The following SNRK variants were observed in gnomAD, a reference collection of about 807,000 sequenced individuals.
SNRK encodes the protein SNF-related serine/threonine-protein kinase.
In SNRK, 3 loss-of-function variants were observed where a neutral mutation model predicts 48.2. The ratio of observed to expected loss-of-function variants is 0.06; its 90% CI spans 0.03 to 0.16. The LOEUF is 0.16. SNRK is among the 10% of genes least tolerant of loss of function. The pLI, the probability that SNRK is intolerant of heterozygous loss-of-function variation, is 1.00. For synonymous variants in SNRK, 376 were observed against 366.1 expected (o/e 1.03, Z -0.31); for missense variants, 627 against 976.0 (o/e 0.64, Z 4.76).
At chr3:43,330,338 G>A (rs1168454052) in intron 3 of SNRK, among the ~76,000 whole-genome samples, 1 of 152,032 alleles carries the variant, frequency 6.6e-6, no homozygotes, top group African/African-American at 2.4e-5. Context: ...GGACATAGTT[G>A]GAAAGGTGGC....
chr3:43,295,355 G>A (rs375204462), intron 1 of SNRK, among the ~76,000 whole-genome samples: 4 of 152,184 alleles, frequency 2.6e-5, no homozygotes, highest in East Asian at 1.9e-4. Flanking sequence ...AACTGGAACA[G>A]GCTTCTCACC....
Position 43,349,650 on chromosome 3 carries a change from G to A in SNRK, c.*1093G>A, listed in dbSNP as rs967687912. 3.5e-5 allele frequency: 5 copies of A among 143,624 alleles called. No individual in the cohort carries two copies. The highest frequency in any genetic ancestry group is 5.9e-5 in the Non-Finnish European group (4 of 67,868). 8.9% of individuals were successfully genotyped at this position (143,624 alleles called of 1,614,324 possible). On this transcript the variant is annotated 3_prime_UTR_variant, in exon 7 of 7. Coordinates refer to ENST00000296088, the MANE Select transcript of SNRK (RefSeq NM_017719.5). ...AACAAAAATGCACAAAGCCTGCTTC[G>A]TAACTTTTTTTTCTGGAATTGTTTT...
chr3:43,334,708 T>G (rs928569498), intron 4 of SNRK, among the ~76,000 whole-genome samples: 71 of 151,924 alleles, frequency 4.7e-4, no homozygotes, highest in Non-Finnish European at 9.3e-4. Flanking sequence ...ATTCTCCTGC[T>G]TCAGCCTCCC....
At position 43,348,653 on chromosome 3, in the gene SNRK, G is replaced by C. The variant is rs2091299182; in HGVS notation, c.*96G>C. 7.9e-7 allele frequency: 1 copy of C among 1,260,714 alleles called. No homozygotes were observed. Among genetic ancestry groups the C allele is most frequent in the African/African-American group, 1.5e-5 (1 of 65,744 alleles). 78.1% of individuals were successfully genotyped at this position (1,260,714 alleles called of 1,614,324 possible). ...ATTTGGTTTTACTATTTTAAAGTGG[G>C]CGTTAGGAGCAATTATTTATTACCT... On this transcript the variant is annotated 3_prime_UTR_variant, in exon 7 of 7. Transcript: ENST00000296088.
intron 3 of SNRK, among the ~76,000 whole-genome samples, chr3:43,314,753 A>T (rs1426290250): frequency 1.3e-5 from 2 of 152,200 alleles, no homozygotes; most frequent in African/African-American, 4.8e-5. Flanking sequence ...TTTCAGAAGG[A>T]CATAAATGAA....
chr3:43,347,298 G>T lies in SNRK; in HGVS notation c.1080-41G>T. On this transcript the variant is annotated intron_variant, in intron 6 of 6. Coordinates refer to ENST00000296088, the MANE Select transcript of SNRK (RefSeq NM_017719.5). The surrounding 1 kb of genome is among the most constrained non-coding windows in gnomAD (Gnocchi z 5.4). Reference sequence around the variant, plus strand: ...TGTACTTTACTATCATCTGCATAATGATTATATGGCTTTTTTCCCCCCAAT... The same window carrying T: ...TGTACTTTACTATCATCTGCATAATTATTATATGGCTTTTTTCCCCCCAAT... 6.6e-7 allele frequency: 1 copy of T among 1,515,254 alleles called. No homozygotes were observed. The highest frequency in any genetic ancestry group is 1.3e-5 in the South Asian group (1 of 75,338). The allele number at this position is 1,515,254 out of a possible 1,614,324, so 93.9% of individuals were successfully genotyped here. A position where few individuals can be genotyped will look rare whatever the true frequency, so the allele number is the denominator to read the frequency against.
chr3:43,337,996 C>T (rs774869287), intron 4 of SNRK, among the ~76,000 whole-genome samples: 6 of 152,162 alleles, frequency 3.9e-5, no homozygotes, highest in South Asian at 4.1e-4. Flanking sequence ...GCAGTCCCTC[C>T]GCCTCAGCCT....
At chr3:43,294,559 G>A (rs1322526456) in intron 1 of SNRK, among the ~76,000 whole-genome samples, 4 of 152,004 alleles carry the variant, frequency 2.6e-5, no homozygotes, top group Admixed American at 6.6e-5. Flanking sequence ...TTTGGATTTC[G>A]TATTTTCACC....
chr3:43,301,995 A>C (rs903349305), intron 2 of SNRK, among the ~76,000 whole-genome samples: 3 of 152,204 alleles, frequency 2.0e-5, no homozygotes, highest in Admixed American at 6.5e-5. Context: ...TAAAAGTTGA[A>C]ATTTTTAAGT....
chr3:43,346,716 C>T (rs1157717979), intron 6 of SNRK, among the ~76,000 whole-genome samples: 1 of 151,990 alleles, frequency 6.6e-6, no homozygotes, highest in Non-Finnish European at 1.5e-5. Flanking sequence ...GCACTCCAGC[C>T]TGAATAACAA....
chr3:43,316,556 A>C (rs1248992606), intron 3 of SNRK, among the ~76,000 whole-genome samples: 1 of 152,000 alleles, frequency 6.6e-6, no homozygotes, highest in African/African-American at 2.4e-5. Context: ...GTTCTTTAAA[A>C]ATTGTTTTTA....
At chr3:43,334,696 C>T (rs1482965069) in intron 4 of SNRK, among the ~76,000 whole-genome samples, 4 of 151,702 alleles carry the variant, frequency 2.6e-5, no homozygotes, top group Non-Finnish European at 5.9e-5. Flanking sequence ...TGGGTTCAAG[C>T]GATTCTCCTG....
chr3:43,340,060 A>T (rs2091223860), intron 4 of SNRK, among the ~76,000 whole-genome samples: 1 of 151,376 alleles, frequency 6.6e-6, no homozygotes, highest in Non-Finnish European at 1.5e-5. Context: ...GATGATAGGG[A>T]GCTCTTATTT....
chr3:43,340,256 G>A (rs1400527435), intron 4 of SNRK, 31 bp from the exon 5 acceptor site: 1 of 1,550,996 alleles, frequency 6.4e-7, no homozygotes, highest in Non-Finnish European at 8.9e-7. Flanking sequence ...CAAGCAGTTT[G>A]CTTTAACAAT....
intron 3 of SNRK, among the ~76,000 whole-genome samples, chr3:43,317,360 G>A (rs888828915): frequency 5.9e-5 from 9 of 152,254 alleles, no homozygotes; most frequent in Non-Finnish European, 8.8e-5. Flanking sequence ...AGAGTATGTC[G>A]GGAATTGCAG....
chr3:43,303,026 A>C lies in SNRK; in HGVS notation c.-106-72A>C. 1 of 473,492 alleles carries C rather than the reference A, an allele frequency of 2.1e-6. No homozygotes were observed. The highest frequency in any genetic ancestry group is 3.7e-6 in the Non-Finnish European group (1 of 273,228). 29.3% of individuals were successfully genotyped at this position (473,492 alleles called of 1,614,324 possible). On this transcript the variant is annotated intron_variant, in intron 2 of 6. Transcript: ENST00000296088. The surrounding 1 kb of genome is among the most constrained non-coding windows in gnomAD (Gnocchi z 6.2). ...TTTCTCTTAAAATGAAAAAAACAAA[A>C]AATGAAGTGATTTTAAAGTTTGTGA... is the stretch of plus-strand genomic sequence containing the variant.
intron 1 of SNRK, among the ~76,000 whole-genome samples, chr3:43,299,247 G>A (rs764879692): frequency 6.6e-6 from 1 of 152,114 alleles, no homozygotes; most frequent in Non-Finnish European, 1.5e-5. Flanking sequence ...GCGCCATCTC[G>A]GCTCATTGCA....
At chr3:43,312,191 A>G (rs946904757) in intron 3 of SNRK, among the ~76,000 whole-genome samples, 1 of 152,178 alleles carries the variant, frequency 6.6e-6, no homozygotes, top group African/African-American at 2.4e-5. Flanking sequence ...CTTACTACCA[A>G]TTATGCAATA....
At chr3:43,295,864 G>A (rs1473912330) in intron 1 of SNRK, among the ~76,000 whole-genome samples, 4 of 152,070 alleles carry the variant, frequency 2.6e-5, no homozygotes, top group African/African-American at 4.8e-5. Context: ...TCAGCCTTCC[G>A]AGTAGCTGGG....
Sources: gnomAD v4.1 joint callset for allele counts (sites outside exome capture counted in the v4.1 genomes callset) on GRCh38, gnomAD v4.1.1 for gene constraint, Gnocchi (gnomAD v3.1) non-coding constraint, MANE v1.5 for transcripts, NCBI Gene and HGNC (gene_info 2026-07-23, HGNC 2026-07-21) for gene names.